The following TMEFF2 variants were observed in gnomAD, a reference collection of about 807,000 sequenced individuals.
TMEFF2 encodes transmembrane protein with EGF like and two follistatin like domains 2.
In TMEFF2, 28 loss-of-function variants were observed where a neutral mutation model predicts 53.8. That is an observed-to-expected ratio of 0.52 (90% CI 0.39 to 0.71). The LOEUF is 0.71. Among genes scored for constraint, TMEFF2 ranks in the 30% least tolerant of loss-of-function variants. The pLI is 0.00. For missense variants in TMEFF2, 353 were observed against 455.2 expected (o/e 0.78, Z 2.04); for synonymous variants, 162 against 166.3 (o/e 0.97, Z 0.20).
At chr2:192,129,722 G>T (rs1487570416) in intron 4 of TMEFF2, among the ~76,000 whole-genome samples, 1 of 152,144 alleles carries the variant, frequency 6.6e-6, no homozygotes, top group Non-Finnish European at 1.5e-5. Flanking sequence ...TGGGAGCAAG[G>T]TCCTTTGTAT....
At chr2:192,004,376 C>T (rs948807496) in intron 5 of TMEFF2, among the ~76,000 whole-genome samples, 2 of 152,178 alleles carry the variant, frequency 1.3e-5, no homozygotes, top group African/African-American at 4.8e-5. Flanking sequence ...TACTACTTCT[C>T]ATTTGTGGTA....
At position 191,959,535 on chromosome 2, in the gene TMEFF2, A is replaced by C. The variant is rs555653461; in HGVS notation, c.746-3157T>G. 9.2e-5 allele frequency among the ~76,000 whole-genome samples: 14 copies of C among 152,336 alleles called. No homozygotes were observed. The South Asian group carries it at 2.3e-3, about 25-fold the overall frequency. ...ATGGCAAATGGTGAGGCCTTACCTT[A>C]CTGCAAGTCAAGTAAGGTTAAGTGG... On this transcript the variant is annotated intron_variant, in intron 7 of 9. Coordinates refer to ENST00000272771, the MANE Select transcript of TMEFF2 (RefSeq NM_016192.4).
At chr2:192,020,152 A>G (rs1686829477) in intron 5 of TMEFF2, among the ~76,000 whole-genome samples, 1 of 152,108 alleles carries the variant, frequency 6.6e-6, no homozygotes, top group South Asian at 2.1e-4. Flanking sequence ...TCTTTTCCCT[A>G]GTATTGTTGG....
chr2:192,076,205 T>A (rs1688428756), intron 4 of TMEFF2, among the ~76,000 whole-genome samples: 1 of 152,128 alleles, frequency 6.6e-6, no homozygotes, highest in African/African-American at 2.4e-5. Context: ...ATATTTATAG[T>A]TATAAGCTTT....
At chr2:192,081,693 A>C (rs979992612) in intron 4 of TMEFF2, among the ~76,000 whole-genome samples, 5 of 152,176 alleles carry the variant, frequency 3.3e-5, no homozygotes, top group African/African-American at 1.2e-4. Flanking sequence ...TACATGGAAA[A>C]ATATAACGGA....
intron 5 of TMEFF2, among the ~76,000 whole-genome samples, chr2:192,055,639 G>A (rs1042586715): frequency 1.3e-5 from 2 of 151,794 alleles, no homozygotes; most frequent in Admixed American, 6.6e-5. Context: ...GCCGGGCATG[G>A]TGGTGCGCAC....
At chr2:192,033,504 A>G (rs1222354837) in intron 5 of TMEFF2, among the ~76,000 whole-genome samples, 1 of 145,930 alleles carries the variant, frequency 6.9e-6, no homozygotes, top group Non-Finnish European at 1.5e-5. Flanking sequence ...CTTTTAGCAC[A>G]AAAAAACCAG....
Position 192,010,942 on chromosome 2 carries a change from T to G in TMEFF2, c.537-11734A>C, listed in dbSNP as rs554013860. On this transcript the variant is annotated intron_variant, in intron 5 of 9. Coordinates refer to ENST00000272771, the MANE Select transcript of TMEFF2 (RefSeq NM_016192.4). Reference sequence around the variant, plus strand: ...TCCACTGAGGATTTCCCCCTAACAGTGTCATTCTCATCCCAGATAAGTCAA... The same window carrying G: ...TCCACTGAGGATTTCCCCCTAACAGGGTCATTCTCATCCCAGATAAGTCAA... 2.6e-5 allele frequency among the ~76,000 whole-genome samples: 4 copies of G among 152,328 alleles called. No homozygotes were observed. The East Asian group carries it at 7.7e-4, about 29-fold the overall frequency.
At chr2:191,950,492 T>G (rs745471155) in intron 9 of TMEFF2, 85 bp from the exon 10 acceptor site, 1 of 1,522,648 alleles carries the variant, frequency 6.6e-7, no homozygotes, top group South Asian at 1.1e-5. Context: ...AGATGTGGAT[T>G]AAGCAAATTA....
At chr2:192,056,085 C>A (rs1003242623) in intron 5 of TMEFF2, among the ~76,000 whole-genome samples, 1 of 152,148 alleles carries the variant, frequency 6.6e-6, no homozygotes, top group East Asian at 1.9e-4. Flanking sequence ...GACTGTTTTA[C>A]TACTGCCACA....
chr2:192,075,308 T>TATATATATATATATATATATAC (rs1688396069), intron 4 of TMEFF2, among the ~76,000 whole-genome samples: 1 of 67,946 alleles, frequency 1.5e-5, no homozygotes, highest in Non-Finnish European at 3.1e-5. Flanking sequence ...TATATATATA[T>TATATATATATATATATATATAC]ATATATATAT....
chr2:192,178,430 G>C (rs1691103394), intron 4 of TMEFF2: 1 of 150,788 alleles, frequency 6.6e-6, no homozygotes, highest in Non-Finnish European at 1.5e-5. Flanking sequence ...AGTAGAGAAA[G>C]ACTGTCCAGA....
At chr2:192,078,212 A>G (rs1319245325) in intron 4 of TMEFF2, among the ~76,000 whole-genome samples, 1 of 152,180 alleles carries the variant, frequency 6.6e-6, no homozygotes, top group Non-Finnish European at 1.5e-5. Context: ...TTGGGTAATC[A>G]GTAAAACTCT....
intron 2 of TMEFF2, among the ~76,000 whole-genome samples, chr2:192,188,959 G>A (rs559496792): frequency 2.6e-5 from 4 of 151,436 alleles, no homozygotes; most frequent in South Asian, 4.2e-4. Context: ...TGATATGTAC[G>A]ACAAACCCCC....
At position 191,962,910 on chromosome 2, in the gene TMEFF2, C is replaced by T. The variant is rs143227237; in HGVS notation, c.746-6532G>A. 4.3e-4 allele frequency among the ~76,000 whole-genome samples: 65 copies of T among 152,314 alleles called. 1 individual carries two copies. The South Asian group carries it at 6.2e-3, about 15-fold the overall frequency. On this transcript the variant is annotated intron_variant, in intron 7 of 9. Transcript: ENST00000272771. ...TCTGTCTCTAATGGTCCTTTTCAAA[C>T]TTCACCACTCAGTCCAGAGCCTATT...
chr2:192,068,151 G>C (rs1416552903), intron 4 of TMEFF2, among the ~76,000 whole-genome samples: 1 of 151,854 alleles, frequency 6.6e-6, no homozygotes, highest in Non-Finnish European at 1.5e-5. Flanking sequence ...CAGCTCACAG[G>C]CTGTGGAGCA....
At chr2:192,136,858 G>A (rs1049491676) in intron 4 of TMEFF2, among the ~76,000 whole-genome samples, 1 of 152,056 alleles carries the variant, frequency 6.6e-6, no homozygotes, top group African/African-American at 2.4e-5. Context: ...TATACTCCAG[G>A]GGCCTTTCAT....
At chr2:192,132,795 G>A (rs2105979606) in intron 4 of TMEFF2, among the ~76,000 whole-genome samples, 1 of 152,258 alleles carries the variant, frequency 6.6e-6, no homozygotes, top group East Asian at 1.9e-4. Flanking sequence ...CTGAAAATCG[G>A]AGTGTTCAAC....
At chr2:192,063,037 CTTTT>C (rs1264887117) in intron 4 of TMEFF2, among the ~76,000 whole-genome samples, 1 of 150,566 alleles carries the variant, frequency 6.6e-6, no homozygotes, top group Admixed American at 6.6e-5. Flanking sequence ...GGCTATTTCA[CTTTT>C]TTTATTTTAT....
Sources: allele counts gnomAD v4.1 joint callset (sites outside exome capture counted in the v4.1 genomes callset), GRCh38; gene constraint gnomAD v4.1.1; transcripts MANE v1.5; gene names NCBI Gene and HGNC (gene_info 2026-07-23, HGNC 2026-07-21).